The following CFAP54 variants were observed in gnomAD, a reference collection of about 807,000 sequenced individuals.
CFAP54 encodes the protein cilia- and flagella-associated protein 54.
CFAP54 carries 290 observed loss-of-function variants against 370.4 expected under a neutral mutation model. The ratio of observed to expected loss-of-function variants is 0.78; its 90% CI spans 0.71 to 0.86. CFAP54 has a LOEUF of 0.86. Ranked by LOEUF, CFAP54 falls within the 40% of genes least tolerant of loss-of-function variation. The probability of loss-of-function intolerance (pLI) is 0.00; values close to 1 mark genes in which losing one functional copy is unlikely to be tolerated. For missense variants in CFAP54, 3,399 were observed against 3,528.7 expected, an observed-to-expected ratio of 0.96 and a Z score of 0.93; for synonymous variants, 1,206 against 1,236.5, an observed-to-expected ratio of 0.98 and a Z score of 0.52.
chr12:96,569,848 A>T (rs1955897117), intron 19 of CFAP54, among the ~76,000 whole-genome samples: 1 of 152,206 alleles, frequency 6.6e-6, no homozygotes, highest in Non-Finnish European at 1.5e-5. Context: ...CCTAAATACC[A>T]GTCTATTAAC....
chr12:96,564,430 A>G (rs746474536), intron 17 of CFAP54, 38 bp from the exon 18 acceptor site: 17 of 675,448 alleles, frequency 2.5e-5, no homozygotes, highest in Non-Finnish European at 4.0e-5. Context: ...TCTCTTGGAT[A>G]CATACTTAAT....
intron 46 of CFAP54, 88 bp from the exon 47 acceptor site, chr12:96,704,654 TA>T: frequency 2.2e-6 from 1 of 460,914 alleles, no homozygotes; most frequent in Admixed American, 4.7e-5. Context: ...AAATGATAAT[TA>T]AAATAATTTT....
At chr12:96,715,154 G>A (rs1252947081) in intron 48 of CFAP54, among the ~76,000 whole-genome samples, 1 of 152,210 alleles carries the variant, frequency 6.6e-6, no homozygotes, top group Non-Finnish European at 1.5e-5. Context: ...GGAGAGAAGA[G>A]AAGGGATGAA....
At chr12:96,571,722 A>AT (rs1225385394) in intron 19 of CFAP54, among the ~76,000 whole-genome samples, 3 of 150,858 alleles carry the variant, frequency 2.0e-5, no homozygotes, top group Admixed American at 6.6e-5. Flanking sequence ...TTCCTTCTTG[A>AT]TTTTTTTTGG....
intron 8 of CFAP54, among the ~76,000 whole-genome samples, chr12:96,525,306 T>G (rs143903194): frequency 6.6e-6 from 1 of 152,052 alleles, no homozygotes; most frequent in East Asian, 1.9e-4. Context: ...TAAAATATAC[T>G]TGAATGAGCT....
At chr12:96,859,593 GA>G (rs1959813155) in intron 66 of CFAP54, among the ~76,000 whole-genome samples, 2 of 152,138 alleles carry the variant, frequency 1.3e-5, no homozygotes, top group East Asian at 3.9e-4. Context: ...TTTTAGTAGA[GA>G]CGGGGTTTCA....
At chr12:96,656,168 G>A (rs1956920606) in intron 36 of CFAP54, among the ~76,000 whole-genome samples, 1 of 152,108 alleles carries the variant, frequency 6.6e-6, no homozygotes, top group South Asian at 2.1e-4. Flanking sequence ...ACTTAAAAGA[G>A]TCTGGCCTTG....
chr12:96,727,848 A>G (rs1341895355), intron 50 of CFAP54, among the ~76,000 whole-genome samples: 1 of 151,484 alleles, frequency 6.6e-6, no homozygotes. Flanking sequence ...TGCTTCCTTC[A>G]GGAGCTCTTT....
In CFAP54 at chr12:96,708,770, A is replaced by T. The variant is rs1957574384; in HGVS notation, c.6691A>T (p.Asn2231Tyr). 1 of 1,605,426 alleles carries T rather than the reference A, an allele frequency of 6.2e-7. No individual in the cohort carries two copies. Among genetic ancestry groups the T allele is most frequent in the South Asian group, 1.1e-5 (1 of 88,518 alleles). ...AAATAAATTTAAGACAGTAATTACCAACAAGAGCAAACCAAACCTACCAAA... is the reference window on the plus strand; with the variant it reads ...AAATAAATTTAAGACAGTAATTACCTACAAGAGCAAACCAAACCTACCAAA... The part of the protein sequence containing the change: ...PENKFKTVIT[N>Y]KSKPNLPNLE... Residue 2231 changes from asparagine (N) to tyrosine (Y), a missense_variant, in exon 48 of 68, where the codon AAC becomes TAC. Around this residue, in one of 3 missense-constraint regions of CFAP54, gnomAD observed 2,796 missense variants for 2,869.7 expected, o/e 0.97. Transcript: ENST00000524981.
chr12:96,578,235 T>C (rs1402166246), intron 20 of CFAP54, among the ~76,000 whole-genome samples: 1 of 152,182 alleles, frequency 6.6e-6, no homozygotes, highest in African/African-American at 2.4e-5. Flanking sequence ...TTTGAGCAGC[T>C]TCAGGAATGG....
intron 55 of CFAP54, among the ~76,000 whole-genome samples, chr12:96,749,421 A>G (rs1298638788): frequency 2.0e-5 from 3 of 152,276 alleles, no homozygotes; most frequent in Non-Finnish European, 4.4e-5. Flanking sequence ...TATGAATTTT[A>G]AAGGGACACA....
At chr12:96,695,794 G>C (rs1957434745) in intron 45 of CFAP54, among the ~76,000 whole-genome samples, 1 of 152,184 alleles carries the variant, frequency 6.6e-6, no homozygotes, top group Non-Finnish European at 1.5e-5. Context: ...ATACTTGGTA[G>C]ATATTTATTG....
chr12:96,496,777 T>G (rs1158770621), intron 1 of CFAP54, among the ~76,000 whole-genome samples: 2 of 152,230 alleles, frequency 1.3e-5, no homozygotes, highest in Non-Finnish European at 1.5e-5. Flanking sequence ...TAAGGGATAT[T>G]CAGATTTTTC....
At chr12:96,623,699 T>A (rs905483439) in intron 27 of CFAP54, 68 bp from the exon 28 acceptor site, 3 of 731,964 alleles carry the variant, frequency 4.1e-6, no homozygotes, top group Non-Finnish European at 6.8e-6. Flanking sequence ...ATTTAAAGAA[T>A]GTTGTTTGAA....
intron 58 of CFAP54, among the ~76,000 whole-genome samples, chr12:96,759,755 C>T (rs75565777): frequency 0.019 from 2,902 of 152,284 alleles, 44 homozygotes; most frequent in South Asian, 0.066. Context: ...CTTTCTAAGC[C>T]TAGTTTCCTC....
intron 58 of CFAP54, among the ~76,000 whole-genome samples, chr12:96,758,579 C>T (rs1225015263): frequency 6.6e-6 from 1 of 152,056 alleles, no homozygotes; most frequent in African/African-American, 2.4e-5. Context: ...AGGACACAGC[C>T]AAACCATATT....
At chr12:96,824,388 C>T (rs561331670) in intron 65 of CFAP54, among the ~76,000 whole-genome samples, 1 of 152,274 alleles carries the variant, frequency 6.6e-6, no homozygotes, top group South Asian at 2.1e-4. Context: ...TAGCATTGCT[C>T]TCTTCATCTG....
chr12:96,848,487 A>C (rs2136452178), intron 66 of CFAP54, among the ~76,000 whole-genome samples: 1 of 152,296 alleles, frequency 6.6e-6, no homozygotes. Flanking sequence ...TCACGAGGTC[A>C]AGAGATCGAG....
At chr12:96,564,918 T>C in intron 19 of CFAP54, 153 bp downstream of exon 19, 1 of 389,612 alleles carries the variant, frequency 2.6e-6, no homozygotes, top group South Asian at 8.5e-5. Context: ...CCAGGGGAAC[T>C]AATTCGTACC....
Sources: allele counts gnomAD v4.1 joint callset (sites outside exome capture counted in the v4.1 genomes callset), GRCh38; gene constraint gnomAD v4.1.1; regional missense constraint gnomAD v4.1.1; transcripts MANE v1.5; gene names NCBI Gene and HGNC (gene_info 2026-07-23, HGNC 2026-07-21).